The following DMRTA1 variants were observed in gnomAD, a reference collection of about 807,000 sequenced individuals.
DMRTA1 encodes the protein doublesex- and mab-3-related transcription factor A1.
Under a neutral mutation model 35.2 loss-of-function variants are expected in DMRTA1, and 34 were observed. The ratio of observed to expected loss-of-function variants is 0.97; its 90% CI spans 0.74 to 1.29. The LOEUF (loss-of-function observed/expected upper bound fraction) is 1.29. Among genes scored for constraint, DMRTA1 ranks in the 50% most tolerant of loss-of-function variants. The pLI, the probability that DMRTA1 is intolerant of heterozygous loss-of-function variation, is 0.00. For synonymous variants in DMRTA1, 344 were observed against 276.6 expected, an observed-to-expected ratio of 1.24 and a Z score of -2.42; for missense variants, 824 against 644.6, an observed-to-expected ratio of 1.28 and a Z score of -3.01.
At chr9:22,448,032 G>T (rs1587668573) in intron 1 of DMRTA1, among the ~76,000 whole-genome samples, 1 of 152,288 alleles carries the variant, frequency 6.6e-6, no homozygotes, top group South Asian at 2.1e-4. Flanking sequence ...CTCGGAAGTT[G>T]ATTTGACTTT....
rs1426808389 is a variant in DMRTA1 at position 22,453,403 on chromosome 9, G to T, written c.*1492G>T. 1 of 151,880 alleles carries T rather than the reference G, an allele frequency of 6.6e-6. No homozygotes were observed. Among genetic ancestry groups the T allele is most frequent in the African/African-American group, 2.4e-5 (1 of 41,390 alleles). 9.4% of individuals were successfully genotyped at this position (151,880 alleles called of 1,614,324 possible). A position where few individuals can be genotyped will look rare whatever the true frequency, so the allele number is the denominator to read the frequency against. ...AGAATGTATTTCCAAGGAATATTTTGCCAGCAAATGTGATATTAAATTACT... is the reference window on the plus strand; with the variant it reads ...AGAATGTATTTCCAAGGAATATTTTTCCAGCAAATGTGATATTAAATTACT... On this transcript the variant is annotated 3_prime_UTR_variant, in exon 2 of 2. Transcript: ENST00000325870.
intron 1 of DMRTA1, among the ~76,000 whole-genome samples, chr9:22,448,034 T>C (rs2117951557): frequency 6.6e-6 from 1 of 152,232 alleles, no homozygotes; most frequent in South Asian, 2.1e-4. Context: ...CGGAAGTTGA[T>C]TTGACTTTCA....
At chr9:22,450,419 A>C (rs116402799) in intron 1 of DMRTA1, among the ~76,000 whole-genome samples, 3,213 of 152,272 alleles carry the variant, frequency 0.021, 122 homozygotes, top group African/African-American at 0.072. Flanking sequence ...ATAAAATGAA[A>C]TATGCAAGCT....
chr9:22,448,373 T>G (rs1176623756), intron 1 of DMRTA1, among the ~76,000 whole-genome samples: 1 of 152,254 alleles, frequency 6.6e-6, no homozygotes, highest in African/African-American at 2.4e-5. Context: ...ACCATCGTCT[T>G]TCTTTGTTTC....
rs749373349 is a variant in DMRTA1, at chr9:22,447,446, C to G, written c.381C>G (p.Thr127=). The G allele has an allele frequency of 7.7e-6, 12 of 1,553,280 alleles. No homozygotes were observed. Among genetic ancestry groups the G allele is most frequent in the Non-Finnish European group, 1.0e-5 (12 of 1,150,324 alleles). ...RWRDCACAKC[T]LIAERQRVMA... is the part of the protein sequence containing the mutation. ...GGGACTGCGCGTGTGCCAAGTGCAC[C>G]CTGATCGCCGAGCGCCAGCGCGTCA... Residue 127 remains threonine, a synonymous_variant, in exon 1 of 2, where the codon ACC becomes ACG. Coordinates refer to ENST00000325870, the MANE Select transcript of DMRTA1 (RefSeq NM_022160.3).
chr9:22,451,605 A>G lies in DMRTA1; in HGVS notation c.1209A>G (p.Leu403=), dbSNP rs1427476512. The part of the protein sequence containing the change: ...FSLAGIGFGT[L]GNKSAFSPLQ... ...TTGCTGGAATTGGTTTTGGAACTCT[A>G]GGTAATAAATCAGCTTTCTCTCCTC... The change falls in exon 2 of 2, where the codon CTA becomes CTG. Residue 403 remains leucine, a synonymous_variant. Transcript: ENST00000325870. The G allele has an allele frequency of 4.3e-6, 7 of 1,614,026 alleles. No homozygotes were observed. The highest frequency in any genetic ancestry group is 5.9e-6 in the Non-Finnish European group (7 of 1,179,968).
Position 22,451,289 on chromosome 9 carries a change from C to G in DMRTA1, c.893C>G (p.Ser298Cys). The change falls in exon 2 of 2, where the codon TCT (serine) becomes TGT (cysteine). Residue 298 changes from serine to cysteine, a missense_variant. By Grantham distance (112) the Ser-to-Cys change is moderately radical. Transcript: ENST00000325870. ...GAGAGTCCCAGGTCCTTATCATCCT[C>G]TGATCTGGAATCAGGAAATGAAAGT... The part of the protein sequence containing the change: ...GEESPRSLSS[S>C]DLESGNESEW... 1 of 1,614,118 alleles carries G rather than the reference C, an allele frequency of 6.2e-7. No individual in the cohort carries two copies. Among genetic ancestry groups the G allele is most frequent in the Non-Finnish European group, 8.5e-7 (1 of 1,179,968 alleles).
intron 1 of DMRTA1, among the ~76,000 whole-genome samples, chr9:22,449,876 C>T (rs1214492835): frequency 6.6e-6 from 1 of 151,970 alleles, no homozygotes; most frequent in Non-Finnish European, 1.5e-5. Context: ...CTGGAGAAAA[C>T]TGGAGTATTG....
rs935409177 is a variant in DMRTA1, at chr9:22,453,957, T to C, written c.*2046T>C. ...TTACTGCATTATGTATGTGGTTTTATAATGATGTGCTTGTATCTGAGAAAC... is the reference window on the plus strand; with the variant it reads ...TTACTGCATTATGTATGTGGTTTTACAATGATGTGCTTGTATCTGAGAAAC... On this transcript the variant is annotated 3_prime_UTR_variant, in exon 2 of 2. Transcript: ENST00000325870. 1 of 152,166 alleles carries C rather than the reference T, an allele frequency of 6.6e-6. No individual in the cohort carries two copies. The highest frequency in any genetic ancestry group is 2.4e-5 in the African/African-American group (1 of 41,456). 9.4% of individuals were successfully genotyped at this position (152,166 alleles called of 1,614,324 possible). A position where few individuals can be genotyped will look rare whatever the true frequency, so the allele number is the denominator to read the frequency against.
chr9:22,446,976 G>C lies in DMRTA1; in HGVS notation c.-90G>C. On this transcript the variant is annotated 5_prime_UTR_variant, in exon 1 of 2. Transcript: ENST00000325870. ...GTGGAGCTCAGTAGGACCACGGCGC[G>C]TCCTGCCCCGGCTTCCCCAGCCTCC... 1 of 1,503,982 alleles carries C rather than the reference G, an allele frequency of 6.6e-7. No individual in the cohort carries two copies. Among genetic ancestry groups the C allele is most frequent in the Non-Finnish European group, 9.0e-7 (1 of 1,116,268 alleles). The allele number at this position is 1,503,982 out of a possible 1,614,324, so 93.2% of individuals were successfully genotyped here.
Position 22,453,232 on chromosome 9 carries a change from G to A in DMRTA1, c.*1321G>A, listed in dbSNP as rs2117967111. 1 of 152,154 alleles carries A rather than the reference G, an allele frequency of 6.6e-6. No individual in the cohort carries two copies. The highest frequency in any genetic ancestry group is 1.5e-5 in the Non-Finnish European group (1 of 67,928). The allele number at this position is 152,154 out of a possible 1,614,324, so 9.4% of individuals were successfully genotyped here. ...ATTAGAGATTGTTTAAACTATTTAA[G>A]CAGCATGACTCACTAAAGATTTTTT... On this transcript the variant is annotated 3_prime_UTR_variant, in exon 2 of 2. Transcript: ENST00000325870.
chr9:22,447,319 G>A lies in DMRTA1; in HGVS notation c.254G>A (p.Gly85Asp), dbSNP rs916420544. The change falls in exon 1 of 2, where the codon GGC becomes GAC. Residue 85 changes from glycine (G) to aspartate (D), a missense_variant. By Grantham distance (94) the Gly-to-Asp change is moderately conservative. Coordinates refer to ENST00000325870, the MANE Select transcript of DMRTA1 (RefSeq NM_022160.3). ...PPAPGLESGV[G>D]AVGCGYPRTP... ...GCTCCCGGGCTGGAGAGCGGGGTAG[G>A]CGCGGTGGGCTGCGGCTACCCGCGG... The A allele has an allele frequency of 7.8e-6, 12 of 1,534,052 alleles. No individual in the cohort carries two copies. The highest frequency in any genetic ancestry group is 5.7e-5 in the African/African-American group (4 of 69,666).
chr9:22,448,345 G>C (rs768453226), intron 1 of DMRTA1, among the ~76,000 whole-genome samples: 1 of 152,224 alleles, frequency 6.6e-6, no homozygotes, highest in African/African-American at 2.4e-5. Flanking sequence ...ATGTGGGGAA[G>C]AGACTGAAAT....
Position 22,447,688 on chromosome 9 carries a change from C to G in DMRTA1, c.623C>G (p.Pro208Arg), listed in dbSNP as rs1394571793. The G allele has an allele frequency of 4.3e-6, 7 of 1,613,144 alleles. No homozygotes were observed. Among genetic ancestry groups the G allele is most frequent in the Non-Finnish European group, 5.1e-6 (6 of 1,180,012 alleles). ...AGACAGGCCAGTGGTTCCGCGACCCCCGCTTTCGAAGTTTTCCAGCAAGAT... is the reference window on the plus strand; with the variant it reads ...AGACAGGCCAGTGGTTCCGCGACCCGCGCTTTCGAAGTTTTCCAGCAAGAT... Reference protein sequence around the residue: ...ALRQASGSATPAFEVFQQDYP... With the variant: ...ALRQASGSATRAFEVFQQDYP... Residue 208 changes from proline to arginine, a missense_variant, in exon 1 of 2, where the codon CCC becomes CGC. Coordinates refer to ENST00000325870, the MANE Select transcript of DMRTA1 (RefSeq NM_022160.3).
chr9:22,447,820 C>A (rs941583363), intron 1 of DMRTA1, 88 bp downstream of exon 1: 2 of 1,497,136 alleles, frequency 1.3e-6, no homozygotes, highest in African/African-American at 1.4e-5. Flanking sequence ...CATAGGCGGG[C>A]AGGAATAGTT....
chr9:22,454,069 T>G lies in DMRTA1; in HGVS notation c.*2158T>G, dbSNP rs927706671. 1 of 152,270 alleles carries G rather than the reference T, an allele frequency of 6.6e-6. No individual in the cohort carries two copies. Among genetic ancestry groups the G allele is most frequent in the East Asian group, 1.9e-4 (1 of 5,182 alleles). 9.4% of individuals were successfully genotyped at this position (152,270 alleles called of 1,614,324 possible). On this transcript the variant is annotated 3_prime_UTR_variant, in exon 2 of 2. Coordinates refer to ENST00000325870, the MANE Select transcript of DMRTA1 (RefSeq NM_022160.3). ...TTTTATAATCATAAAACTTAATTTA[T>G]ATAATGCCTTACACATTCCATACTC... is the stretch of plus-strand genomic sequence containing the variant.
In DMRTA1 at chr9:22,451,390, A is replaced by G. The variant is rs1182803967; in HGVS notation, c.994A>G (p.Ile332Val). ...CTCAAGACCAAGAGATCCTCTTGAT[A>G]TCCTTACTAAGATTTTCCCAAATTA... ...VSSRPRDPLDILTKIFPNYRR... is the reference protein window; with the variant it reads ...VSSRPRDPLDVLTKIFPNYRR... The change falls in exon 2 of 2, where the codon ATC (isoleucine) becomes GTC (valine). Residue 332 changes from isoleucine (I) to valine (V), a missense_variant. By Grantham distance (29) the Ile-to-Val change is conservative. Transcript: ENST00000325870. 1 of 1,614,146 alleles carries G rather than the reference A, an allele frequency of 6.2e-7. No homozygotes were observed. Among genetic ancestry groups the G allele is most frequent in the Non-Finnish European group, 8.5e-7 (1 of 1,179,986 alleles).
chr9:22,448,003 C>T (rs1273546763), intron 1 of DMRTA1, among the ~76,000 whole-genome samples: 1 of 152,100 alleles, frequency 6.6e-6, no homozygotes, highest in Non-Finnish European at 1.5e-5. Flanking sequence ...GCAATTCACC[C>T]TAGGAGTAGA....
intron 1 of DMRTA1, among the ~76,000 whole-genome samples, chr9:22,450,269 T>C (rs1193683391): frequency 6.6e-6 from 1 of 152,146 alleles, no homozygotes. Context: ...TGAGGATTTG[T>C]GTAGATTGCA....
Sources: allele counts gnomAD v4.1 joint callset (sites outside exome capture counted in the v4.1 genomes callset), GRCh38; gene constraint gnomAD v4.1.1; transcripts MANE v1.5; gene names NCBI Gene and HGNC (gene_info 2026-07-23, HGNC 2026-07-21).